The following USP49 variants were observed in gnomAD, a reference collection of about 807,000 sequenced individuals.
USP49 encodes the protein ubiquitin carboxyl-terminal hydrolase 49.
USP49 carries 24 observed loss-of-function variants against 58.6 expected under a neutral mutation model. The observed-to-expected ratio is 0.41, with a 90% confidence interval of 0.30 to 0.58. The LOEUF (loss-of-function observed/expected upper bound fraction) is 0.58. Among genes scored for constraint, USP49 ranks in the 20% least tolerant of loss-of-function variants. The probability of loss-of-function intolerance (pLI) is 0.30; values close to 1 mark genes in which losing one functional copy is unlikely to be tolerated. For missense variants in USP49, 703 were observed against 866.1 expected (o/e 0.81, Z 2.36); for synonymous variants, 408 against 365.1 (o/e 1.12, Z -1.34).
intron 3 of USP49, among the ~76,000 whole-genome samples, chr6:41,862,162 A>ATCT (rs1228321379): frequency 2.6e-5 from 4 of 152,198 alleles, no homozygotes; most frequent in African/African-American, 9.7e-5. Context: ...ACACTTACAC[A>ATCT]AGTGCATCTA....
intron 7 of USP49, among the ~76,000 whole-genome samples, chr6:41,797,414 G>A (rs1195312898): frequency 1.3e-5 from 2 of 152,214 alleles, no homozygotes; most frequent in African/African-American, 4.8e-5. Flanking sequence ...GAGTGATGAA[G>A]GAAAATTTAG....
intron 3 of USP49, among the ~76,000 whole-genome samples, chr6:41,867,644 C>T (rs1242798849): frequency 1.3e-5 from 2 of 151,026 alleles, no homozygotes; most frequent in Non-Finnish European, 2.9e-5. Flanking sequence ...CCTAGCTACT[C>T]GGGAGGCAGA....
chr6:41,871,179 G>A (rs1171576547), intron 3 of USP49, among the ~76,000 whole-genome samples: 3 of 152,086 alleles, frequency 2.0e-5, no homozygotes, highest in South Asian at 2.1e-4. Context: ...CGGGATCCTC[G>A]TGGTGGGACA....
intron 1 of USP49, chr6:41,893,897 G>A (rs1174962938): frequency 1.3e-5 from 2 of 150,538 alleles, no homozygotes; most frequent in Non-Finnish European, 3.0e-5. Context: ...TTACTTTTTA[G>A]TCTTTACCCC....
intron 3 of USP49, among the ~76,000 whole-genome samples, chr6:41,865,170 G>A (rs1451857580): frequency 6.6e-6 from 1 of 151,824 alleles, no homozygotes; most frequent in Non-Finnish European, 1.5e-5. Context: ...TCAGTCTCCC[G>A]AGTAGCTAGG....
chr6:41,852,233 G>A (rs370728584), intron 3 of USP49, among the ~76,000 whole-genome samples: 1 of 152,076 alleles, frequency 6.6e-6, no homozygotes, highest in East Asian at 1.9e-4. Context: ...GCTGAGGCAG[G>A]AGAATTACTT....
At chr6:41,885,738 G>C (rs983727408) in intron 2 of USP49, among the ~76,000 whole-genome samples, 2 of 152,182 alleles carry the variant, frequency 1.3e-5, no homozygotes, top group African/African-American at 2.4e-5. Context: ...GGATGCTGCA[G>C]TGAGCCGAGA....
chr6:41,847,320 A>G (rs1352039837), intron 3 of USP49, among the ~76,000 whole-genome samples: 1 of 152,218 alleles, frequency 6.6e-6, no homozygotes, highest in Non-Finnish European at 1.5e-5. Context: ...AAAAAGATAA[A>G]CAATGAAAAA....
At chr6:41,855,171 C>G (rs185942401) in intron 3 of USP49, among the ~76,000 whole-genome samples, 78 of 151,098 alleles carry the variant, frequency 5.2e-4, no homozygotes, top group African/African-American at 1.8e-3. Flanking sequence ...TTGAGCTCTT[C>G]TGCTATAGAG....
chr6:41,797,545 C>T, intron 7 of USP49: 1 of 843,752 alleles, frequency 1.2e-6, no homozygotes, highest in South Asian at 5.5e-5. Context: ...CTGGAAGACT[C>T]CACTCTGGAG....
intron 3 of USP49, among the ~76,000 whole-genome samples, chr6:41,849,477 C>T (rs1228768229): frequency 6.6e-6 from 1 of 152,304 alleles, no homozygotes; most frequent in East Asian, 1.9e-4. Context: ...AGAACTCTAC[C>T]TAACAACAGC....
intron 5 of USP49, among the ~76,000 whole-genome samples, 173 bp from the exon 6 acceptor site, chr6:41,800,111 C>T (rs944258889): frequency 1.3e-5 from 2 of 152,140 alleles, no homozygotes; most frequent in Admixed American, 6.6e-5. Context: ...CAGCTTCACA[C>T]GCCTGCATGG....
At chr6:41,798,022 T>C in intron 7 of USP49, 1 of 162,960 alleles carries the variant, frequency 6.1e-6, no homozygotes. Flanking sequence ...TGCACACCAT[T>C]ACACCTGGAT....
intron 2 of USP49, among the ~76,000 whole-genome samples, chr6:41,883,416 G>A (rs1774649972): frequency 6.6e-6 from 1 of 151,354 alleles, no homozygotes. Flanking sequence ...CAGCACTTTG[G>A]GAGGCCGAGG....
At chr6:41,822,974 T>C (rs1773476750) in intron 3 of USP49, among the ~76,000 whole-genome samples, 1 of 152,160 alleles carries the variant, frequency 6.6e-6, no homozygotes. Context: ...TCATGTACTT[T>C]AATAGGGGAT....
chr6:41,873,092 G>A (rs933625023), intron 2 of USP49: 1 of 152,274 alleles, frequency 6.6e-6, no homozygotes, highest in Non-Finnish European at 1.5e-5. Context: ...AAAGGAATGG[G>A]GAGAAGAATG....
chr6:41,885,821 A>T (rs867976976), intron 2 of USP49, among the ~76,000 whole-genome samples: 15 of 152,150 alleles, frequency 9.9e-5, no homozygotes, highest in Middle Eastern at 3.4e-3. Flanking sequence ...AGAGTCTCCC[A>T]CCTTGGCCTC....
At chr6:41,881,785 CT>C (rs1774613259) in intron 2 of USP49, among the ~76,000 whole-genome samples, 1 of 152,056 alleles carries the variant, frequency 6.6e-6, no homozygotes, top group Non-Finnish European at 1.5e-5. Context: ...CCTTTTCAAA[CT>C]TTGAGAAAAT....
At chr6:41,883,180 T>A (rs530464144) in intron 2 of USP49, among the ~76,000 whole-genome samples, 8 of 151,758 alleles carry the variant, frequency 5.3e-5, no homozygotes, top group Admixed American at 1.3e-4. Flanking sequence ...GGCAAAATCC[T>A]GCCTCTACTA....
Sources: allele counts gnomAD v4.1 joint callset (sites outside exome capture counted in the v4.1 genomes callset), GRCh38; gene constraint gnomAD v4.1.1; transcripts MANE v1.5; gene names NCBI Gene and HGNC (gene_info 2026-07-23, HGNC 2026-07-21).